Variants in TNRC6A observed in about 807,000 individuals in gnomAD.
TNRC6A encodes trinucleotide repeat containing adaptor 6A, also known as trinucleotide repeat-containing gene 6A protein.
A neutral mutation model predicts 221.2 loss-of-function variants in TNRC6A; 44 were observed. That is an observed-to-expected ratio of 0.20 (90% CI 0.16 to 0.26). The LOEUF (loss-of-function observed/expected upper bound fraction) is 0.26, where lower values mean the gene tolerates loss of function less well. TNRC6A is among the 10% of genes least tolerant of loss of function. The probability of loss-of-function intolerance (pLI) is 1.00; values close to 1 mark genes in which losing one functional copy is unlikely to be tolerated. For missense variants in TNRC6A, 2,199 were observed against 2,404.4 expected (o/e 0.91, Z 1.79); for synonymous variants, 847 against 838.5 (o/e 1.01, Z -0.18).
intron 5 of TNRC6A, among the ~76,000 whole-genome samples, chr16:24,783,054 T>G (rs765277188): frequency 2.0e-5 from 3 of 152,226 alleles, no homozygotes; most frequent in Non-Finnish European, 4.4e-5. Flanking sequence ...CTGTTTTGTT[T>G]GTTAGATGCT....
At chr16:24,781,967 C>T (rs960130622) in intron 5 of TNRC6A, among the ~76,000 whole-genome samples, 5 of 152,032 alleles carry the variant, frequency 3.3e-5, no homozygotes, top group African/African-American at 9.7e-5. Context: ...GGACTACAGG[C>T]GCCCGCCACC....
At chr16:24,645,289 T>C (rs1173309324) in intron 2 of TNRC6A, among the ~76,000 whole-genome samples, 1 of 152,088 alleles carries the variant, frequency 6.6e-6, no homozygotes, top group Non-Finnish European at 1.5e-5. Context: ...ATGGATCATT[T>C]GAGGTCAGGA....
At chr16:24,697,676 C>T (rs1286709496) in intron 2 of TNRC6A, among the ~76,000 whole-genome samples, 2 of 151,648 alleles carry the variant, frequency 1.3e-5, no homozygotes, top group African/African-American at 4.8e-5. Context: ...CAGAGGGAGA[C>T]CCTGTCTCAA....
intron 2 of TNRC6A, among the ~76,000 whole-genome samples, chr16:24,673,891 G>A (rs1284926477): frequency 6.6e-6 from 1 of 152,128 alleles, no homozygotes; most frequent in African/African-American, 2.4e-5. Context: ...CGTGTAATGG[G>A]CACTAGCTGA....
intron 1 of TNRC6A, among the ~76,000 whole-genome samples, chr16:24,630,839 G>A (rs749558061): frequency 1.3e-5 from 2 of 152,182 alleles, no homozygotes; most frequent in Non-Finnish European, 2.9e-5. Context: ...TGTCTAAATG[G>A]CCCCAAGCCA....
In TNRC6A at chr16:24,814,410, T is replaced by TTTTTTTC. The variant is rs770788806; in HGVS notation, c.4673-731_4673-730insCTTTTTT. 6.6e-3 allele frequency among the ~76,000 whole-genome samples: 812 copies of TTTTTTTC among 122,680 alleles called. 13 individuals are homozygous for TTTTTTTC. Among genetic ancestry groups the TTTTTTTC allele is most frequent in the African/African-American group, 0.022 (590 of 26,644 alleles). The allele number at this position is 122,680 out of a possible 152,430, so 80.5% of individuals were successfully genotyped here. On this transcript the variant is annotated intron_variant, in intron 18 of 24. Coordinates refer to ENST00000395799, the MANE Select transcript of TNRC6A (RefSeq NM_014494.4). Reference sequence around the variant, plus strand: ...ATTTTTTTCTTTTCTTTTTTTTTTCTTTTTTTTTTTTTTTTTGGAGACGGA... The same window carrying TTTTTTTC: ...ATTTTTTTCTTTTCTTTTTTTTTTCTTTTTTTCTTTTTTTTTTTTTTTTGGAGACGGA...
intron 2 of TNRC6A, among the ~76,000 whole-genome samples, chr16:24,744,854 C>A (rs980026640): frequency 6.6e-5 from 10 of 152,236 alleles, no homozygotes; most frequent in Admixed American, 5.2e-4. Context: ...TATGCACGTA[C>A]AAGGACATGT....
chr16:24,806,344 A>G (rs1419839460), intron 16 of TNRC6A, 61 bp downstream of exon 16: 11 of 1,579,308 alleles, frequency 7.0e-6, no homozygotes, highest in Non-Finnish European at 9.5e-6. Flanking sequence ...GCTTATCTCC[A>G]TTGTAGCAAG....
At chr16:24,673,642 C>A (rs2055349958) in intron 2 of TNRC6A, among the ~76,000 whole-genome samples, 1 of 152,126 alleles carries the variant, frequency 6.6e-6, no homozygotes, top group Non-Finnish European at 1.5e-5. Flanking sequence ...CTCACTGCAG[C>A]CTCAACCTCC....
rs775973571 is a variant in TNRC6A, at chr16:24,777,060, GCAGCAGCAA to G, written c.300_308del (p.Gln101_Gln103del). The G allele has an allele frequency of 1.9e-6, 3 of 1,607,722 alleles. No homozygotes were observed. Among genetic ancestry groups the G allele is most frequent in the Non-Finnish European group, 1.7e-6 (2 of 1,175,508 alleles). The stretch of plus-strand genomic sequence containing the variant: ...CAGCCAACAATCAGCAGCCACAGCA[GCAGCAGCAA>G]CAGCAGCAGCCGCAGCAGCAGCAGC... On this transcript the variant is annotated inframe_deletion, in exon 5 of 25. Coordinates refer to ENST00000395799, the MANE Select transcript of TNRC6A (RefSeq NM_014494.4).
chr16:24,702,769 C>T (rs1388946510), intron 2 of TNRC6A, among the ~76,000 whole-genome samples: 1 of 152,090 alleles, frequency 6.6e-6, no homozygotes, highest in African/African-American at 2.4e-5. Flanking sequence ...GGCGCAGTGG[C>T]TCACGCCTGT....
intron 1 of TNRC6A, 112 bp from the exon 2 acceptor site, chr16:24,730,141 T>TCCCCCCGTCCTCTCCCCA: frequency 4.5e-6 from 1 of 224,516 alleles, no homozygotes; most frequent in Non-Finnish European, 7.5e-6. Context: ...TCCTCTCCCC[T>TCCCCCCGTCCTCTCCCCA]CCCCCATCCG....
intron 2 of TNRC6A, among the ~76,000 whole-genome samples, chr16:24,706,228 C>T (rs1056941148): frequency 6.6e-6 from 1 of 152,080 alleles, no homozygotes; most frequent in African/African-American, 2.4e-5. Context: ...TTAAACTTAA[C>T]CTTTAATTTT....
intron 1 of TNRC6A, among the ~76,000 whole-genome samples, chr16:24,633,844 A>T (rs552686403): frequency 9.3e-4 from 139 of 149,962 alleles, no homozygotes; most frequent in Admixed American, 2.2e-3. Flanking sequence ...GTGCAGTGGC[A>T]TGGTCTCAGC....
intron 2 of TNRC6A, among the ~76,000 whole-genome samples, chr16:24,745,087 G>T (rs537341389): frequency 2.0e-5 from 3 of 152,154 alleles, no homozygotes; most frequent in Admixed American, 6.5e-5. Context: ...TAAATAGCAT[G>T]TTCCCCACCC....
At chr16:24,696,470 C>T (rs891199260) in intron 2 of TNRC6A, among the ~76,000 whole-genome samples, 2 of 151,662 alleles carry the variant, frequency 1.3e-5, no homozygotes, top group Non-Finnish European at 2.9e-5. Flanking sequence ...GCAGCTTACG[C>T]CTGTAATCCT....
intron 2 of TNRC6A, among the ~76,000 whole-genome samples, chr16:24,734,275 AAAAATACATAGG>A (rs1276783068): frequency 2.6e-5 from 4 of 152,246 alleles, no homozygotes; most frequent in African/African-American, 9.6e-5. Flanking sequence ...CAGAGGAGTC[AAAAATACATAGG>A]AATCTTCATC....
chr16:24,707,350 GCACACACA>G (rs34395729), intron 2 of TNRC6A, among the ~76,000 whole-genome samples: 14,293 of 149,552 alleles, frequency 0.096, 1,411 homozygotes, highest in East Asian at 0.45. Flanking sequence ...GAACATGGGC[GCACACACA>G]CACACACACA....
intron 2 of TNRC6A, among the ~76,000 whole-genome samples, chr16:24,730,573 G>A (rs2056609967): frequency 6.6e-6 from 1 of 151,968 alleles, no homozygotes; most frequent in Non-Finnish European, 1.5e-5. Flanking sequence ...AATTTAATTA[G>A]GGGACTTGTG....
Sources: allele counts gnomAD v4.1 joint callset (sites outside exome capture counted in the v4.1 genomes callset), GRCh38; gene constraint gnomAD v4.1.1; transcripts MANE v1.5; gene names NCBI Gene and HGNC (gene_info 2026-07-23, HGNC 2026-07-21).